Variants in CHML observed in about 807,000 individuals in gnomAD.
CHML encodes CHM like Rab escort protein.
Under a neutral mutation model 30.4 loss-of-function variants are expected in CHML, and 20 were observed. The ratio of observed to expected loss-of-function variants is 0.66; its 90% CI spans 0.46 to 0.95. The LOEUF is 0.95. CHML is among the 40% of genes least tolerant of loss of function. The pLI, the probability that CHML is intolerant of heterozygous loss-of-function variation, is 0.00. For synonymous variants in CHML, 281 were observed against 275.0 expected, an observed-to-expected ratio of 1.02 and a Z score of -0.22; for missense variants, 795 against 768.5, an observed-to-expected ratio of 1.03 and a Z score of -0.41.
Position 241,635,689 on chromosome 1 carries a change from T to C in CHML, c.78A>G (p.Ala26=). The part of the protein sequence containing the change: ...TGLPESILAA[A]CSRSGQRVLH... ...GAACCCTCTGACCACTTCTTGAACA[T>C]GCAGCTGCAAGGATGGATTCGGGCA... Residue 26 remains alanine, a synonymous_variant, in exon 2 of 2, where the codon GCA becomes GCG. Transcript: ENST00000366553. 2 of 1,614,036 alleles carry C rather than the reference T, an allele frequency of 1.2e-6. No homozygotes were observed. Among genetic ancestry groups the C allele is most frequent in the Non-Finnish European group, 1.7e-6 (2 of 1,179,916 alleles).
rs142155761 is a variant in CHML at position 241,634,705 on chromosome 1, T to C, written c.1062A>G (p.Ile354Met). Residue 354 changes from isoleucine to methionine, a missense_variant, in exon 2 of 2, where the codon ATA becomes ATG. Coordinates refer to ENST00000366553, the MANE Select transcript of CHML (RefSeq NM_001381853.1). ...AMTSESSCTT[I>M]DGLNATKNFL... is the part of the protein sequence containing the mutation. ...AGTTTTTAGTTGCGTTAAGACCATC[T>C]ATTGTAGTGCAAGATGATTCTGATG... 564 of 1,614,010 alleles carry C rather than the reference T, an allele frequency of 3.5e-4. 2 individuals carry two copies. The African/African-American group carries it at 6.7e-3, about 19-fold the overall frequency.
chr1:241,640,153 G>A lies in CHML; in HGVS notation c.-579C>T. ...GCTCGTAGGTGCCGGGGCTGAAGAGGGGCGCGGGGCTCAGTGTCCCCGCCG... is the reference window on the plus strand; with the variant it reads ...GCTCGTAGGTGCCGGGGCTGAAGAGAGGCGCGGGGCTCAGTGTCCCCGCCG... On this transcript the variant is annotated 5_prime_UTR_variant, in exon 1 of 2. Transcript: ENST00000366553. 6.6e-7 allele frequency: 1 copy of A among 1,525,218 alleles called. No homozygotes were observed. Among genetic ancestry groups the A allele is most frequent in the South Asian group, 1.2e-5 (1 of 81,218 alleles). The allele number at this position is 1,525,218 out of a possible 1,614,324, so 94.5% of individuals were successfully genotyped here. A position where few individuals can be genotyped will look rare whatever the true frequency, so the allele number is the denominator to read the frequency against.
In CHML at chr1:241,633,745, A is replaced by G. The variant is rs1664742000; in HGVS notation, c.*51T>C. ...GGGAAACTGTCCTTTAAATGAGAAAATTCTGATGCCATGAAGGAGGTCCAA... is the reference window on the plus strand; with the variant it reads ...GGGAAACTGTCCTTTAAATGAGAAAGTTCTGATGCCATGAAGGAGGTCCAA... On this transcript the variant is annotated 3_prime_UTR_variant, in exon 2 of 2. Transcript: ENST00000366553. 2 of 1,592,308 alleles carry G rather than the reference A, an allele frequency of 1.3e-6. No homozygotes were observed.
chr1:241,636,439 A>G (rs1182180093), intron 1 of CHML, among the ~76,000 whole-genome samples: 1 of 152,254 alleles, frequency 6.6e-6, no homozygotes, highest in African/African-American at 2.4e-5. Flanking sequence ...CTGTTTATAG[A>G]AACAGATTAT....
At chr1:241,639,010 TTTC>T (rs1665008897) in intron 1 of CHML, among the ~76,000 whole-genome samples, 1 of 152,236 alleles carries the variant, frequency 6.6e-6, no homozygotes, top group African/African-American at 2.4e-5. Context: ...AATAATTTCC[TTTC>T]TACGCTTCCT....
rs770303697 is a variant in CHML at position 241,633,850 on chromosome 1, T to G, written c.1917A>C (p.Glu639Asp). 1 of 1,613,776 alleles carries G rather than the reference T, an allele frequency of 6.2e-7. No individual in the cohort carries two copies. Among genetic ancestry groups the G allele is most frequent in the Non-Finnish European group, 8.5e-7 (1 of 1,179,796 alleles). The change falls in exon 2 of 2, where the codon GAA (glutamate) becomes GAC (aspartate). Residue 639 changes from glutamate to aspartate, a missense_variant. Transcript: ENST00000366553. Reference sequence around the variant, plus strand: ...CTAGGTTTTTGCTTTCCTCAGAGGATTCTAGTTTGGCCATTACTACATTAT... The same window carrying G: ...CTAGGTTTTTGCTTTCCTCAGAGGAGTCTAGTTTGGCCATTACTACATTAT... ...GTNNVVMAKL[E>D]SSEESKNLES... is the part of the protein sequence containing the mutation.
At chr1:241,636,649 T>A (rs1263196335) in intron 1 of CHML, among the ~76,000 whole-genome samples, 4 of 152,216 alleles carry the variant, frequency 2.6e-5, no homozygotes, top group Non-Finnish European at 5.9e-5. Context: ...ACTGGCCATT[T>A]AAAAATATTT....
intron 1 of CHML, among the ~76,000 whole-genome samples, chr1:241,636,670 T>C (rs1265598267): frequency 6.6e-6 from 1 of 152,202 alleles, no homozygotes; most frequent in East Asian, 1.9e-4. Flanking sequence ...AGGCTCATAA[T>C]AGCCCTGAGG....
At position 241,635,747 on chromosome 1, in the gene CHML, G is replaced by T; in HGVS notation, c.20C>A (p.Thr7Lys). 1 of 1,609,538 alleles carries T rather than the reference G, an allele frequency of 6.2e-7. No homozygotes were observed. The change falls in exon 2 of 2, where the codon ACA (threonine) becomes AAA (lysine). Residue 7 changes from threonine (T) to lysine (K), a missense_variant. Physicochemically the swap from Thr to Lys is moderately conservative, Grantham distance 78. Transcript: ENST00000366553. The part of the protein sequence containing the change: MADNLP[T>K]EFDVVIIGTG... ...CCCTATTATAACCACATCAAACTCT[G>T]TGGGAAGATTGTCCGCCATTTTAGG... is the stretch of plus-strand genomic sequence containing the variant.
intron 1 of CHML, among the ~76,000 whole-genome samples, chr1:241,638,380 C>G (rs765305433): frequency 1.3e-5 from 2 of 152,148 alleles, no homozygotes; most frequent in Non-Finnish European, 2.9e-5. Context: ...ACTCAGTACA[C>G]CCTTGTGTTC....
rs1050628319 is a variant in CHML at position 241,630,074 on chromosome 1, A to G, written c.*3722T>C. ...CACATATTGGCATTTCTTTGGATGTAGCTTTATATTTTAAAACACATTATC... is the reference window on the plus strand; with the variant it reads ...CACATATTGGCATTTCTTTGGATGTGGCTTTATATTTTAAAACACATTATC... On this transcript the variant is annotated 3_prime_UTR_variant, in exon 2 of 2. Transcript: ENST00000366553. 2.0e-5 allele frequency: 3 copies of G among 152,102 alleles called. No homozygotes were observed. Among genetic ancestry groups the G allele is most frequent in the African/African-American group, 4.8e-5 (2 of 41,440 alleles). The allele number at this position is 152,102 out of a possible 1,614,324, so 9.4% of individuals were successfully genotyped here.
intron 1 of CHML, among the ~76,000 whole-genome samples, chr1:241,637,162 CT>C (rs1192121775): frequency 6.6e-6 from 1 of 152,160 alleles, no homozygotes; most frequent in Admixed American, 6.5e-5. Flanking sequence ...GTTTTGAGCT[CT>C]GGTTTTCACT....
Position 241,634,137 on chromosome 1 carries a change from TAA to T in CHML, c.1628_1629del (p.Leu543HisfsTer12), listed in dbSNP as rs1304859528. The T allele has an allele frequency of 1.9e-6, 3 of 1,613,040 alleles. No homozygotes were observed. The African/African-American group carries it at 4.0e-5, about 22-fold the overall frequency. ...YTETEINEEE[L>X]TKPRLLWALY... is the part of the protein sequence containing the mutation. ...AGAGCCCACAAGAGTCTTGGCTTTG[TAA>T]GTTCTTCCTCGTTTATTTCTGTTTC... On this transcript the variant is annotated frameshift_variant, in exon 2 of 2. Coordinates refer to ENST00000366553, the MANE Select transcript of CHML (RefSeq NM_001381853.1). LOFTEE classifies it high-confidence loss of function.
Position 241,635,370 on chromosome 1 carries a change from C to T in CHML, c.397G>A (p.Glu133Lys), listed in dbSNP as rs1664849204. The T allele has an allele frequency of 6.2e-7, 1 of 1,614,068 alleles. No individual in the cohort carries two copies. Among genetic ancestry groups the T allele is most frequent in the African/African-American group, 1.3e-5 (1 of 75,064 alleles). ...TCAGGTAATGCAGAATCCAGAACTT[C>T]AGTGAAGGTATTAGACACCCCCAAA... is the stretch of plus-strand genomic sequence containing the variant. Reference protein sequence around the residue: ...PSLGVSNTFTEVLDSALPEES... With the variant: ...PSLGVSNTFTKVLDSALPEES... Residue 133 changes from glutamate (E) to lysine (K), a missense_variant, in exon 2 of 2, where the codon GAA (glutamate) becomes AAA (lysine). Physicochemically the swap from Glu to Lys is moderately conservative, Grantham distance 56. Transcript: ENST00000366553.
intron 1 of CHML, among the ~76,000 whole-genome samples, chr1:241,636,612 T>C (rs1239730496): frequency 2.0e-5 from 3 of 152,176 alleles, no homozygotes; most frequent in Admixed American, 6.5e-5. Flanking sequence ...AGTCAGATTA[T>C]TACAAAAGGA....
At chr1:241,637,982 A>G (rs1664964464) in intron 1 of CHML, among the ~76,000 whole-genome samples, 1 of 152,114 alleles carries the variant, frequency 6.6e-6, no homozygotes, top group South Asian at 2.1e-4. Flanking sequence ...CCTTTTCTTC[A>G]TCCTTAACCT....
chr1:241,640,324 C>G lies in CHML; in HGVS notation c.-750G>C. On this transcript the variant is annotated 5_prime_UTR_variant, in exon 1 of 2. Coordinates refer to ENST00000366553, the MANE Select transcript of CHML (RefSeq NM_001381853.1). The stretch of plus-strand genomic sequence containing the variant: ...GGCGGGGCTCGCGGCGCGCTCCGCA[C>G]TGGGTGGGGTTGGGGCTCCGCCGCC... 12 of 1,087,108 alleles carry G rather than the reference C, an allele frequency of 1.1e-5. No individual in the cohort carries two copies. Among genetic ancestry groups the G allele is most frequent in the Non-Finnish European group, 1.3e-5 (12 of 898,964 alleles). 67.3% of individuals were successfully genotyped at this position (1,087,108 alleles called of 1,614,324 possible).
At position 241,634,689 on chromosome 1, in the gene CHML, T is replaced by G; in HGVS notation, c.1078A>C (p.Thr360Pro). The change falls in exon 2 of 2, where the codon ACT (threonine) becomes CCT (proline). Residue 360 changes from threonine to proline, a missense_variant. Transcript: ENST00000366553. ...CCGAGACACTGAAGGAAGTTTTTAGTTGCGTTAAGACCATCTATTGTAGTG... is the reference window on the plus strand; with the variant it reads ...CCGAGACACTGAAGGAAGTTTTTAGGTGCGTTAAGACCATCTATTGTAGTG... Reference protein sequence around the residue: ...SCTTIDGLNATKNFLQCLGRF... With the variant: ...SCTTIDGLNAPKNFLQCLGRF... The G allele has an allele frequency of 1.2e-6, 2 of 1,613,982 alleles. No individual in the cohort carries two copies. Among genetic ancestry groups the G allele is most frequent in the South Asian group, 2.2e-5 (2 of 91,072 alleles).
At position 241,634,572 on chromosome 1, in the gene CHML, T is replaced by G. The variant is rs1251847280; in HGVS notation, c.1195A>C (p.Ile399Leu). Residue 399 changes from isoleucine to leucine, a missense_variant, in exon 2 of 2, where the codon ATC (isoleucine) becomes CTC (leucine). By Grantham distance (5) the Ile-to-Leu change is conservative. Transcript: ENST00000366553. ...FCRMCAVFGG[I>L]YCLRHKVQCF... is the part of the protein sequence containing the mutation. ...TGTACTTTATGACGAAGACAATAGATTCCACCAAAAACTGCACACATCCTA... is the reference window on the plus strand; with the variant it reads ...TGTACTTTATGACGAAGACAATAGAGTCCACCAAAAACTGCACACATCCTA... 6.2e-7 allele frequency: 1 copy of G among 1,613,858 alleles called. No homozygotes were observed.
Sources: gnomAD v4.1 joint callset for allele counts (sites outside exome capture counted in the v4.1 genomes callset) on GRCh38, gnomAD v4.1.1 for gene constraint, MANE v1.5 for transcripts, NCBI Gene and HGNC (gene_info 2026-07-23, HGNC 2026-07-21) for gene names.